Variants in CTDSPL2 observed in about 807,000 individuals in gnomAD.
CTDSPL2 encodes the protein CTD small phosphatase like 2.
Under a neutral mutation model 60.0 loss-of-function variants are expected in CTDSPL2, and 5 were observed. The observed-to-expected ratio is 0.08, with a 90% CI of 0.04 to 0.18. CTDSPL2 has a LOEUF of 0.18. Among genes scored for constraint, CTDSPL2 ranks in the 10% least tolerant of loss-of-function variants. The probability of loss-of-function intolerance (pLI) is 1.00; values close to 1 mark genes in which losing one functional copy is unlikely to be tolerated. For synonymous variants in CTDSPL2, 186 were observed against 189.3 expected (o/e 0.98, Z 0.14); for missense variants, 370 against 548.8 (o/e 0.67, Z 3.26).
intron 2 of CTDSPL2, among the ~76,000 whole-genome samples, chr15:44,482,429 A>C (rs1264964429): frequency 6.6e-6 from 1 of 152,242 alleles, no homozygotes; most frequent in African/African-American, 2.4e-5. Context: ...TTGTTGCAGA[A>C]TGCAAGGTTT....
At chr15:44,504,610 C>T (rs2081428932) in intron 8 of CTDSPL2, among the ~76,000 whole-genome samples, 1 of 151,802 alleles carries the variant, frequency 6.6e-6, no homozygotes, top group South Asian at 2.1e-4. Context: ...CAGTGGCTTG[C>T]TTGTAATCCC....
intron 12 of CTDSPL2, among the ~76,000 whole-genome samples, chr15:44,521,993 C>CTG (rs767733886): frequency 1.4e-5 from 2 of 138,554 alleles, no homozygotes; most frequent in Non-Finnish European, 3.1e-5. Flanking sequence ...ATAAAGTCAT[C>CTG]TGTCATGGGA....
At position 44,459,184 on chromosome 15, in the gene CTDSPL2, A is replaced by C. The variant is rs761535975; in HGVS notation, c.170A>C (p.Lys57Thr). Reference sequence around the variant, plus strand: ...TTGTCTTCAATTAAAAAATTTATTAAAGGAAGCACACCTAAGGTAATGATT... The same window carrying C: ...TTGTCTTCAATTAAAAAATTTATTACAGGAAGCACACCTAAGGTAATGATT... ...GLLSSIKKFI[K>T]GSTPKEEREN... The change falls in exon 2 of 13, where the codon AAA (lysine) becomes ACA (threonine). Residue 57 changes from lysine to threonine, a missense_variant. Lys to Thr is a moderately conservative substitution (Grantham distance 78). This residue lies in a region of CTDSPL2 where 287 missense variants were observed against 296.1 expected (regional missense o/e 0.97). Coordinates refer to ENST00000260327, the MANE Select transcript of CTDSPL2 (RefSeq NM_016396.3). 15 of 1,606,090 alleles carry C rather than the reference A, an allele frequency of 9.3e-6. No individual in the cohort carries two copies. In the South Asian group the frequency reaches 1.7e-4, roughly 18 times the overall value.
intron 8 of CTDSPL2, among the ~76,000 whole-genome samples, chr15:44,506,544 AC>A (rs2081469959): frequency 6.7e-6 from 1 of 149,922 alleles, no homozygotes; most frequent in Non-Finnish European, 1.5e-5. Flanking sequence ...AGCCTCCCAA[AC>A]AGTAGCTGGG....
At chr15:44,481,907 G>A (rs536341855) in intron 2 of CTDSPL2, among the ~76,000 whole-genome samples, 11 of 152,292 alleles carry the variant, frequency 7.2e-5, no homozygotes, top group African/African-American at 2.2e-4. Flanking sequence ...ATAATCTGCA[G>A]CAGATATTCT....
intron 2 of CTDSPL2, among the ~76,000 whole-genome samples, chr15:44,480,843 A>G (rs371435347): frequency 4.6e-5 from 7 of 152,296 alleles, no homozygotes; most frequent in African/African-American, 1.7e-4. Context: ...AAAAAAAGAA[A>G]AAAGAAAAAT....
intron 8 of CTDSPL2, among the ~76,000 whole-genome samples, chr15:44,509,717 C>T (rs974825189): frequency 4.6e-5 from 7 of 151,810 alleles, no homozygotes; most frequent in African/African-American, 1.7e-4. Flanking sequence ...GAGGCCAAGG[C>T]AGGCAGATCA....
chr15:44,480,589 A>G (rs2081008995), intron 2 of CTDSPL2, among the ~76,000 whole-genome samples: 1 of 152,092 alleles, frequency 6.6e-6, no homozygotes, highest in African/African-American at 2.4e-5. Context: ...AAAAATACAA[A>G]TTTTGCACTG....
chr15:44,444,340 CAGACACAG>C (rs1169716553), intron 1 of CTDSPL2, among the ~76,000 whole-genome samples: 1 of 147,962 alleles, frequency 6.8e-6, no homozygotes, highest in Admixed American at 6.7e-5. Context: ...CACACACACA[CAGACACAG>C]AGACACATTT....
intron 1 of CTDSPL2, among the ~76,000 whole-genome samples, chr15:44,442,622 T>C (rs1262697556): frequency 1.3e-5 from 2 of 152,044 alleles, no homozygotes; most frequent in Non-Finnish European, 2.9e-5. Context: ...GGTCCCTTTT[T>C]CTGTCCTTTT....
intron 1 of CTDSPL2, among the ~76,000 whole-genome samples, chr15:44,446,400 G>A (rs141877564): frequency 0.012 from 1,807 of 152,260 alleles, 42 homozygotes; most frequent in East Asian, 0.095. Flanking sequence ...GGCCAAGACA[G>A]GCAGATCACT....
At chr15:44,506,412 CTTTTTTTTTTTT>C (rs764238056) in intron 8 of CTDSPL2, among the ~76,000 whole-genome samples, 1 of 112,396 alleles carries the variant, frequency 8.9e-6, no homozygotes, top group Non-Finnish European at 1.8e-5. Context: ...CCTACTTTGA[CTTTTTTTTTTTT>C]TTTTTTTTTG....
At chr15:44,428,943 G>C (rs957323960) in intron 1 of CTDSPL2, among the ~76,000 whole-genome samples, 1 of 152,116 alleles carries the variant, frequency 6.6e-6, no homozygotes, top group Non-Finnish European at 1.5e-5. Flanking sequence ...GAGGCTGTTG[G>C]TGTTTTCGGA....
intron 5 of CTDSPL2, among the ~76,000 whole-genome samples, chr15:44,494,189 G>A (rs2140814695): frequency 6.6e-6 from 1 of 152,234 alleles, no homozygotes; most frequent in East Asian, 1.9e-4. Flanking sequence ...AAAATTCCCA[G>A]CATAATTTCT....
chr15:44,511,089 C>G (rs1463655269), intron 8 of CTDSPL2, among the ~76,000 whole-genome samples: 1 of 152,180 alleles, frequency 6.6e-6, no homozygotes, highest in Non-Finnish European at 1.5e-5. Context: ...ACTTTCCTCC[C>G]TCATTCTCTG....
At chr15:44,450,589 A>AT (rs36016079) in intron 1 of CTDSPL2, among the ~76,000 whole-genome samples, 5,375 of 88,726 alleles carry the variant, frequency 0.061, 145 homozygotes, top group African/African-American at 0.1. Context: ...TATATTCTTA[A>AT]TTTTTTTTTT....
At chr15:44,429,110 T>A (rs1184927765) in intron 1 of CTDSPL2, among the ~76,000 whole-genome samples, 1 of 152,220 alleles carries the variant, frequency 6.6e-6, no homozygotes, top group Non-Finnish European at 1.5e-5. Flanking sequence ...TTCACTATTG[T>A]TTGCACGATG....
chr15:44,436,306 A>C lies in CTDSPL2; in HGVS notation c.-25+8534A>C, dbSNP rs2079980984. Among the ~76,000 whole-genome samples the C allele has an allele frequency of 3.9e-5, 6 of 152,208 alleles. No individual in the cohort carries two copies. The South Asian group carries it at 1.2e-3, about 32-fold the overall frequency. ...GAGACCAAAGAGGTCATCTAGTCCA[A>C]TAACATTTGTGTTTTATTGTGATGA... is the stretch of plus-strand genomic sequence containing the variant. On this transcript the variant is annotated intron_variant, in intron 1 of 12. Coordinates refer to ENST00000260327, the MANE Select transcript of CTDSPL2 (RefSeq NM_016396.3).
chr15:44,519,441 T>A (rs2081718387), intron 11 of CTDSPL2, 146 bp downstream of exon 11: 1 of 756,616 alleles, frequency 1.3e-6, no homozygotes, highest in Non-Finnish European at 2.0e-6. Context: ...GAATTAGAAA[T>A]GACAAAGTGG....
Sources: gnomAD v4.1 joint callset for allele counts (sites outside exome capture counted in the v4.1 genomes callset) on GRCh38, gnomAD v4.1.1 for gene constraint, gnomAD v4.1.1 regional missense constraint, MANE v1.5 for transcripts, NCBI Gene and HGNC (gene_info 2026-07-23, HGNC 2026-07-21) for gene names.